The following ZNF689 variants were observed in gnomAD, a reference collection of about 807,000 sequenced individuals.
ZNF689 encodes the protein short ORF-encoded histone-binding protein.
Under a neutral mutation model 37.2 loss-of-function variants are expected in ZNF689, and 14 were observed. The ratio of observed to expected loss-of-function variants is 0.38; its 90% confidence interval spans 0.25 to 0.59. The LOEUF is 0.59. ZNF689 is among the 20% of genes least tolerant of loss of function. ZNF689 has a pLI of 0.68. For missense variants in ZNF689, 573 were observed against 700.2 expected (o/e 0.82, Z 2.05); for synonymous variants, 277 against 283.3 (o/e 0.98, Z 0.22).
chr16:30,607,453 T>C (rs1316797020), intron 2 of ZNF689, among the ~76,000 whole-genome samples: 1 of 151,258 alleles, frequency 6.6e-6, no homozygotes, highest in Non-Finnish European at 1.5e-5. Context: ...TAGCCGTGCA[T>C]GCTGGCGGGC....
rs1383842112 is a variant in ZNF689 at position 30,603,668 on chromosome 16, C to T, written c.*596G>A. On this transcript the variant is annotated 3_prime_UTR_variant, in exon 3 of 3. Coordinates refer to ENST00000287461, the MANE Select transcript of ZNF689 (RefSeq NM_138447.3). ...AAAGTGGTTGTGATTATCTGAAGGGCTGCTATGTAGATGAAGTATTAAACA... is the reference window on the plus strand; with the variant it reads ...AAAGTGGTTGTGATTATCTGAAGGGTTGCTATGTAGATGAAGTATTAAACA... 6.2e-6 allele frequency: 1 copy of T among 161,196 alleles called. No individual in the cohort carries two copies. The highest frequency in any genetic ancestry group is 1.4e-5 in the Non-Finnish European group (1 of 73,616). The allele number at this position is 161,196 out of a possible 1,614,324, so 10.0% of individuals were successfully genotyped here.
Position 30,605,283 on chromosome 16 carries a change from G to C in ZNF689, c.484C>G (p.Gln162Glu). Residue 162 changes from glutamine (Q) to glutamate (E), a missense_variant, in exon 3 of 3, where the codon CAG (glutamine) becomes GAG (glutamate). By Grantham distance (29) the Gln-to-Glu change is conservative (BLOSUM62 2). Around this residue, in one of 3 missense-constraint regions of ZNF689, gnomAD observed 252 missense variants for 313.3 expected, o/e 0.80. Transcript: ENST00000287461. This position sits in a 1 kb window ranked among gnomAD's most constrained non-coding sequence, Gnocchi z 5.1. ...GCGCACTTGTGGCTCTCCAGGGCCT[G>C]ATGATCAGGGAAGGTACAGCCGCAG... ...PDCGCTFPDH[Q>E]ALESHKCAQN... The C allele has an allele frequency of 1.2e-6, 2 of 1,610,692 alleles. No individual in the cohort carries two copies. The highest frequency in any genetic ancestry group is 2.2e-5 in the South Asian group (2 of 90,960).
rs2052010245 is a variant in ZNF689, at chr16:30,604,211, C to T, written c.*53G>A. On this transcript the variant is annotated 3_prime_UTR_variant, in exon 3 of 3. Coordinates refer to ENST00000287461, the MANE Select transcript of ZNF689 (RefSeq NM_138447.3). This position sits in a 1 kb window ranked among gnomAD's most constrained non-coding sequence, Gnocchi z 5.2. ...CTGTATGACCTGGGGCTCCTCCTTC[C>T]CTTTTCTGGGACCCTCCATAAAATG... The T allele has an allele frequency of 6.3e-7, 1 of 1,598,976 alleles. No individual in the cohort carries two copies.
Position 30,605,895 on chromosome 16 carries a change from T to C in ZNF689, c.320-448A>G, listed in dbSNP as rs1567528105. ...ATCGCCCGGGAGGCAGAGGTTGCAGTGAGCCGAGATTGTGCCACTGCACTC... is the reference window on the plus strand; with the variant it reads ...ATCGCCCGGGAGGCAGAGGTTGCAGCGAGCCGAGATTGTGCCACTGCACTC... On this transcript the variant is annotated intron_variant, in intron 2 of 2. Transcript: ENST00000287461. This position sits in a 1 kb window ranked among gnomAD's most constrained non-coding sequence, Gnocchi z 5.1. Among the ~76,000 whole-genome samples the C allele has an allele frequency of 6.8e-6, 1 of 146,862 alleles. No individual in the cohort carries two copies. The highest frequency in any genetic ancestry group is 7.0e-5 in the Admixed American group (1 of 14,310).
In ZNF689 at chr16:30,604,144, G is replaced by A. The variant is rs1281464275; in HGVS notation, c.*120C>T. The A allele has an allele frequency of 2.8e-6, 3 of 1,085,644 alleles. No homozygotes were observed. Among genetic ancestry groups the A allele is most frequent in the Admixed American group, 2.0e-5 (1 of 50,648 alleles). The allele number at this position is 1,085,644 out of a possible 1,614,324, so 67.3% of individuals were successfully genotyped here. On this transcript the variant is annotated 3_prime_UTR_variant, in exon 3 of 3. Transcript: ENST00000287461. This position sits in a 1 kb window ranked among gnomAD's most constrained non-coding sequence, Gnocchi z 5.2. ...AGCGCATTGCAAGATACAAAGTTCA[G>A]CTCTGTGCAGCAGGAGACCCGGGTT...
At position 30,604,740 on chromosome 16, in the gene ZNF689, G is replaced by A. The variant is rs1426701133; in HGVS notation, c.1027C>T (p.Arg343Cys). The change falls in exon 3 of 3, where the codon CGT becomes TGT. Residue 343 changes from arginine (R) to cysteine (C), a missense_variant. By Grantham distance (180) the Arg-to-Cys change is radical (BLOSUM62 -3). Around this residue, in one of 3 missense-constraint regions of ZNF689, gnomAD observed 317 missense variants for 367.1 expected, o/e 0.86. Transcript: ENST00000287461. The surrounding 1 kb of genome is among the most constrained non-coding windows in gnomAD (Gnocchi z 5.2). ...TCACAGTGCTCGCAGGCATAGGGACGCTCCCCAGAGTGCACACGCCGGTGA... is the reference window on the plus strand; with the variant it reads ...TCACAGTGCTCGCAGGCATAGGGACACTCCCCAGAGTGCACACGCCGGTGA... ...VSHRRVHSGE[R>C]PYACEHCEAR... 6.2e-7 allele frequency: 1 copy of A among 1,605,464 alleles called. No individual in the cohort carries two copies. The highest frequency in any genetic ancestry group is 8.5e-7 in the Non-Finnish European group (1 of 1,176,986).
rs1462678887 is a variant in ZNF689, at chr16:30,604,246, T to C, written c.*18A>G. ...GACCCTCCATAAAATGAAATGAACG[T>C]AGGCAGTCCTTCCCCTTCTAATGGG... On this transcript the variant is annotated 3_prime_UTR_variant, in exon 3 of 3. Transcript: ENST00000287461. The surrounding 1 kb of genome is among the most constrained non-coding windows in gnomAD (Gnocchi z 5.2). 6.2e-7 allele frequency: 1 copy of C among 1,613,428 alleles called. No individual in the cohort carries two copies. The highest frequency in any genetic ancestry group is 8.5e-7 in the Non-Finnish European group (1 of 1,179,422).
At chr16:30,609,787 G>A (rs1345112795) in intron 1 of ZNF689, 50 bp downstream of exon 1, 3 of 1,571,734 alleles carry the variant, frequency 1.9e-6, no homozygotes, top group Admixed American at 3.8e-5. Context: ...CACCCTCTCC[G>A]GCTCCTGCAT....
intron 2 of ZNF689, among the ~76,000 whole-genome samples, chr16:30,606,164 G>A (rs1182697257): frequency 6.6e-6 from 1 of 151,844 alleles, no homozygotes; most frequent in Non-Finnish European, 1.5e-5. Context: ...CTGGCCTGGT[G>A]GCACGCGTGC....
At chr16:30,608,946 A>G (rs1249418635) in intron 2 of ZNF689, among the ~76,000 whole-genome samples, 1 of 152,208 alleles carries the variant, frequency 6.6e-6, no homozygotes, top group East Asian at 1.9e-4. Flanking sequence ...AGGAGATTGC[A>G]GTATGTCCTT....
At chr16:30,607,973 A>C (rs1045920806) in intron 2 of ZNF689, among the ~76,000 whole-genome samples, 2 of 152,196 alleles carry the variant, frequency 1.3e-5, no homozygotes, top group Admixed American at 6.5e-5. Context: ...CACACACACA[A>C]AAGAGTGTAA....
rs2052083392 is a variant in ZNF689 at position 30,610,158 on chromosome 16, C to A, written c.-117G>T. On this transcript the variant is annotated 5_prime_UTR_variant, in exon 1 of 3. Coordinates refer to ENST00000287461, the MANE Select transcript of ZNF689 (RefSeq NM_138447.3). ...CCAGGGCTGAGCGTGGCCGGGGAGGCCCGGAGGGAATCGGAATTGGTCGCC... is the reference window on the plus strand; with the variant it reads ...CCAGGGCTGAGCGTGGCCGGGGAGGACCGGAGGGAATCGGAATTGGTCGCC... 7 of 1,263,914 alleles carry A rather than the reference C, an allele frequency of 5.5e-6. No individual in the cohort carries two copies. Among genetic ancestry groups the A allele is most frequent in the Non-Finnish European group, 6.4e-6 (6 of 940,768 alleles). 78.3% of individuals were successfully genotyped at this position (1,263,914 alleles called of 1,614,324 possible).
At chr16:30,609,356 ATC>A (rs2052069016) in intron 2 of ZNF689, 167 bp downstream of exon 2, 1 of 555,940 alleles carries the variant, frequency 1.8e-6, no homozygotes. Flanking sequence ...TGACATAGGA[ATC>A]TCTGTGTGGT....
Position 30,605,110 on chromosome 16 carries a change from G to A in ZNF689, c.657C>T (p.Asn219=), listed in dbSNP as rs749388669. Reference sequence around the variant, plus strand: ...TATGGATGACCTGGTGCTGGGAGAGGTTCTTGCGCTGGGAGAAACGTTTGC... The same window carrying A: ...TATGGATGACCTGGTGCTGGGAGAGATTCTTGCGCTGGGAGAAACGTTTGC... ...QCGKRFSQRK[N]LSQHQVIHTG... Residue 219 remains asparagine, a synonymous_variant, in exon 3 of 3, where the codon AAC becomes AAT. Coordinates refer to ENST00000287461, the MANE Select transcript of ZNF689 (RefSeq NM_138447.3). This position sits in a 1 kb window ranked among gnomAD's most constrained non-coding sequence, Gnocchi z 5.1. 1.2e-6 allele frequency: 2 copies of A among 1,613,858 alleles called. No homozygotes were observed. Among genetic ancestry groups the A allele is most frequent in the Admixed American group, 3.3e-5 (2 of 60,002 alleles).
At position 30,604,498 on chromosome 16, in the gene ZNF689, G is replaced by A. The variant is rs1439612373; in HGVS notation, c.1269C>T (p.His423=). The stretch of plus-strand genomic sequence containing the variant: ...CGCAGGCATAGGGCCGCTCGCCCGA[G>A]TGCACGCGCCGGTGGCTGGCCAGCA... ...PSLLASHRRV[H]SGERPYACDL... Residue 423 remains histidine (H), a synonymous_variant, in exon 3 of 3, where the codon CAC becomes CAT. Transcript: ENST00000287461. The surrounding 1 kb of genome is among the most constrained non-coding windows in gnomAD (Gnocchi z 5.2). The A allele has an allele frequency of 1.2e-6, 2 of 1,600,344 alleles. No homozygotes were observed. Among genetic ancestry groups the A allele is most frequent in the African/African-American group, 1.3e-5 (1 of 74,606 alleles).
In ZNF689 at chr16:30,605,621, C is replaced by T. The variant is rs574938333; in HGVS notation, c.320-174G>A. 1.3e-5 allele frequency among the ~76,000 whole-genome samples: 2 copies of T among 152,238 alleles called. No individual in the cohort carries two copies. The highest frequency in any genetic ancestry group is 6.5e-5 in the Admixed American group (1 of 15,284). On this transcript the variant is annotated intron_variant, in intron 2 of 2. Transcript: ENST00000287461. The surrounding 1 kb of genome is among the most constrained non-coding windows in gnomAD (Gnocchi z 5.1). ...CGGTGTGCATTACAGGAGCTTCTAACCCAGCTTGGAGAAGTCTAGGAAGAT... is the reference window on the plus strand; with the variant it reads ...CGGTGTGCATTACAGGAGCTTCTAATCCAGCTTGGAGAAGTCTAGGAAGAT...
At chr16:30,606,801 T>C (rs1192846012) in intron 2 of ZNF689, among the ~76,000 whole-genome samples, 1 of 151,636 alleles carries the variant, frequency 6.6e-6, no homozygotes, top group Non-Finnish European at 1.5e-5. Flanking sequence ...CCAGCTCACC[T>C]TTCTTATACA....
chr16:30,607,984 G>A (rs181008010), intron 2 of ZNF689, among the ~76,000 whole-genome samples: 8 of 152,286 alleles, frequency 5.3e-5, no homozygotes, highest in Non-Finnish European at 1.2e-4. Context: ...AAGAGTGTAA[G>A]GCAAGATATG....
chr16:30,609,701 C>T (rs1446286198), intron 1 of ZNF689, 63 bp from the exon 2 acceptor site: 4 of 1,607,460 alleles, frequency 2.5e-6, no homozygotes, highest in Non-Finnish European at 2.6e-6. Flanking sequence ...ATCTCCCCGA[C>T]GGCACCTCCT....
Sources: gnomAD v4.1 joint callset for allele counts (sites outside exome capture counted in the v4.1 genomes callset) on GRCh38, gnomAD v4.1.1 for gene constraint, gnomAD v4.1.1 regional missense constraint, Gnocchi (gnomAD v3.1) non-coding constraint, MANE v1.5 for transcripts, NCBI Gene and HGNC (gene_info 2026-07-23, HGNC 2026-07-21) for gene names.